The following ANO3 variants were observed in gnomAD, a reference collection of about 807,000 sequenced individuals.
The protein encoded by ANO3 is anoctamin 3.
In ANO3, 99 loss-of-function variants were observed where a neutral mutation model predicts 144.8. That is an observed-to-expected ratio of 0.68 (90% confidence interval 0.58 to 0.81). The LOEUF (loss-of-function observed/expected upper bound fraction) is 0.81, where lower values mean the gene tolerates loss of function less well. Among genes scored for constraint, ANO3 ranks in the 30% least tolerant of loss-of-function variants. The probability of loss-of-function intolerance (pLI) is 0.00; values close to 1 mark genes in which losing one functional copy is unlikely to be tolerated. For missense variants in ANO3, 905 were observed against 1,202.2 expected (o/e 0.75, Z 3.66); for synonymous variants, 414 against 392.6 (o/e 1.05, Z -0.64).
intron 14 of ANO3, chr11:26,560,569 A>G (rs1850248773): frequency 6.5e-6 from 1 of 153,092 alleles, no homozygotes; most frequent in South Asian, 2.1e-4. Flanking sequence ...ATTTCCCAAT[A>G]ACAGAAACTC....
intron 1 of ANO3, among the ~76,000 whole-genome samples, chr11:26,254,896 A>G (rs1853019979): frequency 6.6e-6 from 1 of 152,178 alleles, no homozygotes; most frequent in Admixed American, 6.6e-5. Flanking sequence ...CGTCCTCAAA[A>G]CAACCATTTG....
chr11:26,380,376 T>C (rs1459236683), intron 1 of ANO3, among the ~76,000 whole-genome samples: 1 of 152,184 alleles, frequency 6.6e-6, no homozygotes. Flanking sequence ...AATGCATTGA[T>C]CTATTCTGGC....
chr11:26,246,716 G>T (rs566104155), intron 1 of ANO3, among the ~76,000 whole-genome samples: 1 of 151,894 alleles, frequency 6.6e-6, no homozygotes, highest in African/African-American at 2.4e-5. Flanking sequence ...TGGCAGAGAC[G>T]TGGTGGGAGG....
intron 1 of ANO3, among the ~76,000 whole-genome samples, chr11:26,221,034 T>G (rs1306785291): frequency 6.6e-6 from 1 of 152,236 alleles, no homozygotes; most frequent in Admixed American, 6.5e-5. Context: ...GTCTCATTTA[T>G]GAGGGTCATG....
intron 18 of ANO3, among the ~76,000 whole-genome samples, chr11:26,626,554 A>G (rs1416919624): frequency 1.3e-5 from 2 of 152,208 alleles, no homozygotes; most frequent in Non-Finnish European, 2.9e-5. Context: ...AAGCTGAGGT[A>G]TAGGATGAGG....
chr11:26,584,182 T>G (rs1029139740), intron 14 of ANO3, among the ~76,000 whole-genome samples: 1 of 152,000 alleles, frequency 6.6e-6, no homozygotes, highest in African/African-American at 2.4e-5. Flanking sequence ...TTTGTTGAGA[T>G]GTAGTCTCAC....
In ANO3 at chr11:26,223,610, A is replaced by T. The variant is rs1281310329; in HGVS notation, c.154+34280A>T. Among the ~76,000 whole-genome samples, 566 of 151,790 alleles carry T rather than the reference A, an allele frequency of 3.7e-3. 3 individuals are homozygous for T. Among genetic ancestry groups the T allele is most frequent in the African/African-American group, 0.013 (524 of 41,350 alleles). On this transcript the variant is annotated intron_variant, in intron 1 of 27. Coordinates refer to the ANO3 transcript ENST00000672621. ...CCATTCTAGCTTTTTAATAAAAAAA[A>T]AAAAAAAAAAAACCCTGAGATTGGG... is the stretch of plus-strand genomic sequence containing the variant.
Position 26,553,234 on chromosome 11 carries a change from T to G in ANO3, c.1290-15T>G. ...GCTATGTTTTGTTTTGTTTTTGTTT[T>G]TGTTTTTTCTCAAGCCAAGAAATTT... is the stretch of plus-strand genomic sequence containing the variant. On this transcript the variant is annotated splice_polypyrimidine_tract_variant and intron_variant, in intron 12 of 26. Transcript: ENST00000256737. 7.7e-7 allele frequency: 1 copy of G among 1,307,118 alleles called. No homozygotes were observed. Among genetic ancestry groups the G allele is most frequent in the Non-Finnish European group, 1.0e-6 (1 of 961,688 alleles). The allele number at this position is 1,307,118 out of a possible 1,614,324, so 81.0% of individuals were successfully genotyped here.
intron 6 of ANO3, among the ~76,000 whole-genome samples, chr11:26,521,917 GCTCACGC>G (rs1260619805): frequency 6.6e-6 from 1 of 152,194 alleles, no homozygotes; most frequent in Non-Finnish European, 1.5e-5. Context: ...GGGCGCGGTG[GCTCACGC>G]CTGTAATCCC....
upstream of ANO3, among the ~76,000 whole-genome samples, chr11:26,306,108 G>A (rs1854374411): frequency 6.8e-6 from 1 of 148,092 alleles, no homozygotes; most frequent in Non-Finnish European, 1.5e-5. Context: ...ACAGGCGCCC[G>A]CCACCAAGCC....
At chr11:26,225,852 T>C (rs1245183894) in intron 1 of ANO3, among the ~76,000 whole-genome samples, 1 of 152,186 alleles carries the variant, frequency 6.6e-6, no homozygotes, top group African/African-American at 2.4e-5. Context: ...ATTTGTACTT[T>C]CGTGTTATGG....
At chr11:26,564,019 G>C (rs948831020) in intron 14 of ANO3, among the ~76,000 whole-genome samples, 5 of 151,780 alleles carry the variant, frequency 3.3e-5, no homozygotes, top group African/African-American at 1.2e-4. Flanking sequence ...GGGTCTTGCA[G>C]GGTCTCTGAT....
At chr11:26,532,419 C>A (rs548250338) in intron 8 of ANO3, among the ~76,000 whole-genome samples, 2 of 151,888 alleles carry the variant, frequency 1.3e-5, no homozygotes, top group African/African-American at 4.8e-5. Context: ...TTTTTTTAAA[C>A]CCTGAAACCA....
chr11:26,545,187 G>A (rs540770306), intron 11 of ANO3, among the ~76,000 whole-genome samples: 4 of 152,090 alleles, frequency 2.6e-5, no homozygotes, highest in South Asian at 2.1e-4. Context: ...ATCTCTTATT[G>A]TGTTGCTTCC....
At chr11:26,284,961 T>G (rs540484519) in intron 1 of ANO3, among the ~76,000 whole-genome samples, 90 of 152,322 alleles carry the variant, frequency 5.9e-4, no homozygotes, top group African/African-American at 1.4e-3. Flanking sequence ...TTTAAGTTTG[T>G]GGATATTTGG....
At chr11:26,287,863 G>A (rs73441509) in intron 1 of ANO3, 1 of 152,166 alleles carries the variant, frequency 6.6e-6, no homozygotes, top group African/African-American at 2.4e-5. Flanking sequence ...CAGAGGATGA[G>A]TTGAAACTCA....
At chr11:26,249,776 A>T (rs1331105272) in intron 1 of ANO3, among the ~76,000 whole-genome samples, 2 of 152,120 alleles carry the variant, frequency 1.3e-5, no homozygotes, top group Non-Finnish European at 2.9e-5. Flanking sequence ...GAAAAAAACA[A>T]ACAAAAAAGA....
chr11:26,598,735 T>C, intron 15 of ANO3, 123 bp from the exon 16 acceptor site: 2 of 885,492 alleles, frequency 2.3e-6, no homozygotes, highest in Non-Finnish European at 3.4e-6. Flanking sequence ...TTTTAAAAGG[T>C]TGCTTTATTG....
At chr11:26,637,065 C>G (rs1565157715) in intron 20 of ANO3, among the ~76,000 whole-genome samples, 1 of 152,140 alleles carries the variant, frequency 6.6e-6, no homozygotes. Flanking sequence ...TTACACATTC[C>G]AAGTATGGGC....
Sources: allele counts gnomAD v4.1 joint callset (sites outside exome capture counted in the v4.1 genomes callset), GRCh38; gene constraint gnomAD v4.1.1; transcripts MANE v1.5; gene names NCBI Gene and HGNC (gene_info 2026-07-23, HGNC 2026-07-21).